MEI1: variants seen among roughly 807,000 people sequenced by gnomAD.
MEI1 encodes the protein meiotic double-stranded break formation protein 1, also known as meiosis inhibitor protein 1.
In MEI1, 103 loss-of-function variants were observed where a neutral mutation model predicts 146.2. The observed-to-expected ratio is 0.70, with a 90% confidence interval of 0.60 to 0.83. The LOEUF (loss-of-function observed/expected upper bound fraction) is 0.83. Among genes scored for constraint, MEI1 ranks in the 40% least tolerant of loss-of-function variants. The probability of loss-of-function intolerance (pLI) is 0.00; values close to 1 mark genes in which losing one functional copy is unlikely to be tolerated. For synonymous variants in MEI1, 652 were observed against 628.2 expected, an observed-to-expected ratio of 1.04 and a Z score of -0.57; for missense variants, 1,529 against 1,533.0, an observed-to-expected ratio of 1.00 and a Z score of 0.04.
At chr22:41,781,643 C>T (rs764970670) in intron 23 of MEI1, 42 bp from the exon 24 acceptor site, 75 of 1,599,774 alleles carry the variant, frequency 4.7e-5, no homozygotes, top group Non-Finnish European at 5.9e-5. Context: ...GCTGAAGCTC[C>T]TCTGTAACTC....
chr22:41,730,729 C>T lies in MEI1; in HGVS notation c.1096+92C>T, dbSNP rs952936776. The stretch of plus-strand genomic sequence containing the variant: ...CGCAGTGATGGGGGGCTAGCCTCCA[C>T]CTTGGAGGGGAGCACTGAGTCTAGA... On this transcript the variant is annotated intron_variant, in intron 9 of 30. Transcript: ENST00000401548. The T allele has an allele frequency of 3.1e-5, 24 of 781,404 alleles. 1 individual carries two copies. In the African/African-American group the frequency reaches 3.9e-4, roughly 13 times the overall value. The allele number at this position is 781,404 out of a possible 1,614,324, so 48.4% of individuals were successfully genotyped here.
At chr22:41,779,713 G>A (rs903269214) in intron 22 of MEI1, among the ~76,000 whole-genome samples, 2 of 152,256 alleles carry the variant, frequency 1.3e-5, no homozygotes, top group East Asian at 3.9e-4. Context: ...TCCTATTCAT[G>A]CAGATTCCTT....
chr22:41,714,934 G>T (rs1189356458), intron 4 of MEI1, among the ~76,000 whole-genome samples: 1 of 151,838 alleles, frequency 6.6e-6, no homozygotes, highest in Non-Finnish European at 1.5e-5. Flanking sequence ...TAAGACTGAG[G>T]AATAATATCA....
intron 21 of MEI1, among the ~76,000 whole-genome samples, chr22:41,777,892 C>G (rs2075543916): frequency 6.6e-6 from 1 of 151,396 alleles, no homozygotes; most frequent in South Asian, 2.1e-4. Flanking sequence ...TTCCATCCAT[C>G]CTTCTTTCTC....
intron 1 of MEI1, among the ~76,000 whole-genome samples, chr22:41,701,933 G>A (rs1354331955): frequency 6.6e-6 from 1 of 152,148 alleles, no homozygotes; most frequent in Non-Finnish European, 1.5e-5. Context: ...TGGAGAGACA[G>A]GTTGAGGACA....
intron 11 of MEI1, among the ~76,000 whole-genome samples, chr22:41,739,179 C>G (rs999102392): frequency 2.0e-5 from 3 of 152,018 alleles, no homozygotes; most frequent in African/African-American, 7.2e-5. Flanking sequence ...TGGCGAGTGC[C>G]TGTAATTCCC....
chr22:41,770,610 T>A, intron 19 of MEI1, 76 bp from the exon 20 acceptor site: 1 of 1,387,568 alleles, frequency 7.2e-7, no homozygotes. Flanking sequence ...TTTTTCCTAG[T>A]CATCTCTTGG....
chr22:41,767,697 G>A, intron 19 of MEI1: 1 of 436,810 alleles, frequency 2.3e-6, no homozygotes, highest in Non-Finnish European at 4.7e-6. Context: ...CACTTGACAT[G>A]AGCTAGGTAC....
rs762184103 is a variant in MEI1 at position 41,763,240 on chromosome 22, C to T, written c.2187C>T (p.Gly729=). 7.4e-6 allele frequency: 12 copies of T among 1,613,786 alleles called. No individual in the cohort carries two copies. Among genetic ancestry groups the T allele is most frequent in the Non-Finnish European group, 1.7e-6 (2 of 1,179,842 alleles). The change falls in exon 19 of 31, where the codon GGC becomes GGT. Residue 729 remains glycine (G), a synonymous_variant. Coordinates refer to ENST00000401548, the MANE Select transcript of MEI1 (RefSeq NM_152513.4). ...QSFLLSLQDQ[G]ERPPLVVFKA... ...TCCTCCTGTCGCTGCAGGACCAGGG[C>T]GAGCGCCCCCCACTGGTGGTCTTCA...
At chr22:41,752,066 C>G (rs2073792499) in intron 15 of MEI1, among the ~76,000 whole-genome samples, 1 of 149,304 alleles carries the variant, frequency 6.7e-6, no homozygotes, top group Admixed American at 6.7e-5. Flanking sequence ...GAGGCTCCGT[C>G]TCAGGAAAAA....
In MEI1 at chr22:41,717,986, C is replaced by T. The variant is rs989673610; in HGVS notation, c.530-85C>T. 7 of 1,131,774 alleles carry T rather than the reference C, an allele frequency of 6.2e-6. No individual in the cohort carries two copies. The African/African-American group carries it at 6.2e-5, about 10-fold the overall frequency. 70.1% of individuals were successfully genotyped at this position (1,131,774 alleles called of 1,614,324 possible). ...GGATTATAGGGACTTACCATTACTA[C>T]CCCGTTAGGAATAATAGATTGGAGT... On this transcript the variant is annotated intron_variant, in intron 5 of 30. Transcript: ENST00000401548.
At chr22:41,754,775 G>C (rs895896780) in intron 17 of MEI1, among the ~76,000 whole-genome samples, 1 of 152,162 alleles carries the variant, frequency 6.6e-6, no homozygotes, top group Non-Finnish European at 1.5e-5. Flanking sequence ...CTCCATTCCA[G>C]GTGCTGGTGA....
intron 3 of MEI1, chr22:41,709,608 G>T: frequency 2.4e-6 from 1 of 411,366 alleles, no homozygotes; most frequent in South Asian, 2.0e-5. Flanking sequence ...ATCTTCAGTG[G>T]CTCTTCCTTT....
At chr22:41,754,609 T>C (rs1459786238) in intron 17 of MEI1, among the ~76,000 whole-genome samples, 1 of 152,096 alleles carries the variant, frequency 6.6e-6, no homozygotes, top group Non-Finnish European at 1.5e-5. Context: ...AATTTTTGCA[T>C]TTTTAGTAGA....
intron 20 of MEI1, among the ~76,000 whole-genome samples, chr22:41,771,624 A>G (rs1301112694): frequency 1.3e-5 from 2 of 151,058 alleles, no homozygotes; most frequent in African/African-American, 4.9e-5. Flanking sequence ...TTTTTTTAAG[A>G]GATGGGGTTT....
chr22:41,795,329 C>G lies in MEI1; in HGVS notation c.3535-82C>G. 1 of 1,570,142 alleles carries G rather than the reference C, an allele frequency of 6.4e-7. No individual in the cohort carries two copies. Among genetic ancestry groups the G allele is most frequent in the Non-Finnish European group, 8.7e-7 (1 of 1,153,464 alleles). On this transcript the variant is annotated intron_variant, in intron 28 of 30. Transcript: ENST00000401548. The surrounding 1 kb of genome is among the most constrained non-coding windows in gnomAD (Gnocchi z 4.2). ...TCTGTGGGCTTCAGGACAGTGTCTC[C>G]TAAAGTTGGGGCACAGCAGTTGTCT... is the stretch of plus-strand genomic sequence containing the variant.
intron 17 of MEI1, among the ~76,000 whole-genome samples, chr22:41,754,976 T>C (rs1409098002): frequency 6.6e-6 from 1 of 152,118 alleles, no homozygotes; most frequent in Non-Finnish European, 1.5e-5. Flanking sequence ...GGAAGTGGTA[T>C]GTGAGCAGAG....
intron 1 of MEI1, among the ~76,000 whole-genome samples, chr22:41,700,943 T>C (rs1216603213): frequency 4.7e-5 from 7 of 148,998 alleles, no homozygotes; most frequent in Admixed American, 6.6e-5. Flanking sequence ...TTCTTTCTTT[T>C]TTTTTTTTTT....
intron 12 of MEI1, among the ~76,000 whole-genome samples, chr22:41,744,393 C>T (rs974750485): frequency 1.3e-5 from 2 of 151,824 alleles, no homozygotes; most frequent in African/African-American, 2.4e-5. Flanking sequence ...AGGATGGCTA[C>T]GATCTCCTGA....
Sources: allele counts gnomAD v4.1 joint callset (sites outside exome capture counted in the v4.1 genomes callset), GRCh38; gene constraint gnomAD v4.1.1; non-coding constraint Gnocchi (gnomAD v3.1); transcripts MANE v1.5; gene names NCBI Gene and HGNC (gene_info 2026-07-23, HGNC 2026-07-21).